RASAL2: variants seen among roughly 807,000 people sequenced by gnomAD.
RASAL2 encodes the protein RAS protein activator like 2, also known as ras GTPase-activating protein nGAP.
Under a neutral mutation model 128.9 loss-of-function variants are expected in RASAL2, and 58 were observed. The ratio of observed to expected loss-of-function variants is 0.45; its 90% CI spans 0.36 to 0.56. The LOEUF (loss-of-function observed/expected upper bound fraction) is 0.56, where lower values mean the gene tolerates loss of function less well. Among genes scored for constraint, RASAL2 ranks in the 20% least tolerant of loss-of-function variants. The probability of loss-of-function intolerance (pLI) is 0.00; values close to 1 mark genes in which losing one functional copy is unlikely to be tolerated. For missense variants in RASAL2, 1,360 were observed against 1,601.6 expected, an observed-to-expected ratio of 0.85 and a Z score of 2.57; for synonymous variants, 561 against 580.8, an observed-to-expected ratio of 0.97 and a Z score of 0.49.
Position 178,288,898 on chromosome 1 carries a change from G to A in RASAL2, c.330+5207G>A, listed in dbSNP as rs12087651. Among the ~76,000 whole-genome samples the A allele has an allele frequency of 4.1e-4, 62 of 151,820 alleles. 1 individual carries two copies. Among genetic ancestry groups the A allele is most frequent in the African/African-American group, 1.4e-3 (60 of 41,422 alleles). ...ACTCCTCACCTCAGGTGATCCACCC[G>A]CCTCGGCCTCCCAAAGTGCTGGGAT... On this transcript the variant is annotated intron_variant, in intron 2 of 17. Coordinates refer to ENST00000367649, the MANE Select transcript of RASAL2 (RefSeq NM_170692.4).
At chr1:178,128,511 T>C (rs1659981980) in intron 1 of RASAL2, among the ~76,000 whole-genome samples, 1 of 152,152 alleles carries the variant, frequency 6.6e-6, no homozygotes, top group Non-Finnish European at 1.5e-5. Flanking sequence ...TAATACTCTG[T>C]ACATCTTTTT....
At chr1:178,345,425 G>A (rs915241946) in intron 3 of RASAL2, among the ~76,000 whole-genome samples, 1 of 152,254 alleles carries the variant, frequency 6.6e-6, no homozygotes, top group African/African-American at 2.4e-5. Flanking sequence ...TGTTAGACAA[G>A]TTGCTAACTG....
At chr1:178,388,193 C>T (rs1320541149) in intron 3 of RASAL2, among the ~76,000 whole-genome samples, 1 of 152,026 alleles carries the variant, frequency 6.6e-6, no homozygotes, top group Non-Finnish European at 1.5e-5. Context: ...CTACCTTCAC[C>T]AGCCCCATTC....
chr1:178,308,049 A>G (rs1319814492), intron 3 of RASAL2, among the ~76,000 whole-genome samples: 2 of 152,096 alleles, frequency 1.3e-5, no homozygotes, highest in Non-Finnish European at 2.9e-5. Context: ...CTATTTTAAT[A>G]TATTATAATA....
chr1:178,148,292 CT>C (rs1234291405), intron 1 of RASAL2, among the ~76,000 whole-genome samples: 2 of 151,866 alleles, frequency 1.3e-5, no homozygotes, highest in Non-Finnish European at 2.9e-5. Flanking sequence ...GTTTTGACCC[CT>C]GTGGGGCAAG....
intron 3 of RASAL2, among the ~76,000 whole-genome samples, chr1:178,384,691 CAAAA>C (rs796296746): frequency 5.8e-4 from 81 of 140,712 alleles, no homozygotes; most frequent in Non-Finnish European, 7.1e-4. Flanking sequence ...CACACACACA[CAAAA>C]AAAAAACTCA....
intron 2 of RASAL2, among the ~76,000 whole-genome samples, chr1:178,288,546 A>G (rs912051958): frequency 1.3e-5 from 2 of 150,126 alleles, no homozygotes; most frequent in Non-Finnish European, 3.0e-5. Flanking sequence ...GTTCAAGGAT[A>G]TATCACTAGC....
At chr1:178,105,673 G>C (rs897916038) in intron 1 of RASAL2, among the ~76,000 whole-genome samples, 1 of 150,006 alleles carries the variant, frequency 6.7e-6, no homozygotes, top group Non-Finnish European at 1.5e-5. Context: ...TTCTCTTTTT[G>C]TTTTTTGGGG....
chr1:178,394,844 T>C (rs2102625401), intron 4 of RASAL2, among the ~76,000 whole-genome samples: 1 of 152,206 alleles, frequency 6.6e-6, no homozygotes, highest in East Asian at 1.9e-4. Context: ...ATAAATACAC[T>C]AGAAAGAAAA....
chr1:178,430,056 G>A (rs1277951665), intron 5 of RASAL2, among the ~76,000 whole-genome samples: 1 of 152,084 alleles, frequency 6.6e-6, no homozygotes, highest in Non-Finnish European at 1.5e-5. Context: ...CAGATTGAAA[G>A]CTCCTCCAGG....
rs146935650 is a variant in RASAL2 at position 178,127,443 on chromosome 1, T to C, written c.202+32749T>C. On this transcript the variant is annotated intron_variant, in intron 1 of 17. Transcript: ENST00000367649. Reference sequence around the variant, plus strand: ...AATAACAAGAACAGCAGTAACTCTTTCTTTGCCATTTTTCATAGTAAGTAA... The same window carrying C: ...AATAACAAGAACAGCAGTAACTCTTCCTTTGCCATTTTTCATAGTAAGTAA... Among the ~76,000 whole-genome samples, 20 of 152,294 alleles carry C rather than the reference T, an allele frequency of 1.3e-4. No individual in the cohort carries two copies. In the South Asian group the frequency reaches 2.1e-3, roughly 16 times the overall value.
chr1:178,330,251 T>C (rs1283117767), intron 3 of RASAL2, among the ~76,000 whole-genome samples: 2 of 152,204 alleles, frequency 1.3e-5, no homozygotes, highest in East Asian at 3.8e-4. Context: ...GATCATAATA[T>C]GAGTAACATA....
chr1:178,136,603 G>T, intron 1 of RASAL2, among the ~76,000 whole-genome samples: 1 of 151,248 alleles, frequency 6.6e-6, no homozygotes, highest in South Asian at 2.1e-4. Flanking sequence ...CAAAAAATAC[G>T]AAAATTACCG....
intron 3 of RASAL2, among the ~76,000 whole-genome samples, chr1:178,346,313 G>A (rs1670151891): frequency 2.0e-5 from 3 of 151,962 alleles, no homozygotes; most frequent in Non-Finnish European, 4.4e-5. Context: ...GAGGTAAGAG[G>A]ATTGCTTGAG....
intron 1 of RASAL2, among the ~76,000 whole-genome samples, chr1:178,151,586 CAT>C (rs1660916773): frequency 6.6e-6 from 1 of 152,166 alleles, no homozygotes. Context: ...CATGGTAGAA[CAT>C]AACTATTGAT....
intron 1 of RASAL2, among the ~76,000 whole-genome samples, chr1:178,258,224 G>A (rs1052482879): frequency 1.4e-4 from 21 of 150,774 alleles, no homozygotes; most frequent in African/African-American, 4.2e-4. Flanking sequence ...AACCCGGGAG[G>A]TGGAGTTTGC....
chr1:178,237,317 G>A (rs944027242), intron 1 of RASAL2, among the ~76,000 whole-genome samples: 3 of 152,030 alleles, frequency 2.0e-5, no homozygotes, highest in African/African-American at 4.8e-5. Flanking sequence ...AAGCAGTATT[G>A]CGGAATAAAG....
chr1:178,342,585 G>A (rs1473174356), intron 3 of RASAL2, among the ~76,000 whole-genome samples: 1 of 152,096 alleles, frequency 6.6e-6, no homozygotes, highest in Admixed American at 6.6e-5. Context: ...GGAAAAAATG[G>A]CTTTCAGTGA....
At chr1:178,387,666 T>C (rs1342389405) in intron 3 of RASAL2, among the ~76,000 whole-genome samples, 1 of 152,124 alleles carries the variant, frequency 6.6e-6, no homozygotes, top group Non-Finnish European at 1.5e-5. Flanking sequence ...AGAATGATGG[T>C]TTCCAGTTTC....
Sources: gnomAD v4.1 joint callset for allele counts (sites outside exome capture counted in the v4.1 genomes callset) on GRCh38, gnomAD v4.1.1 for gene constraint, MANE v1.5 for transcripts, NCBI Gene and HGNC (gene_info 2026-07-23, HGNC 2026-07-21) for gene names.